The following GLIPR2 variants were observed in gnomAD, a reference collection of about 807,000 sequenced individuals.
The protein encoded by GLIPR2 is Golgi-associated plant pathogenesis-related protein 1.
Under a neutral mutation model 20.4 loss-of-function variants are expected in GLIPR2, and 21 were observed. That is an observed-to-expected ratio of 1.03 (90% CI 0.73 to 1.48). The LOEUF is 1.48. GLIPR2 is among the 40% of genes most tolerant of loss of function. The pLI is 0.00. For synonymous variants in GLIPR2, 91 were observed against 80.5 expected, an observed-to-expected ratio of 1.13 and a Z score of -0.70; for missense variants, 205 against 200.1, an observed-to-expected ratio of 1.02 and a Z score of -0.15.
chr9:36,136,807 C>T lies in GLIPR2; in HGVS notation c.13+16C>T, dbSNP rs1357700270. The T allele has an allele frequency of 1.5e-6, 2 of 1,297,344 alleles. No homozygotes were observed. The highest frequency in any genetic ancestry group is 1.5e-5 in the African/African-American group (1 of 64,640). 80.4% of individuals were successfully genotyped at this position (1,297,344 alleles called of 1,614,324 possible). ...GGCAAGTCAGGTGAGCCCGCGGGCTCGCCCGCTGCGGAATGGTTCGGAACC... is the reference window on the plus strand; with the variant it reads ...GGCAAGTCAGGTGAGCCCGCGGGCTTGCCCGCTGCGGAATGGTTCGGAACC... On this transcript the variant is annotated intron_variant, in intron 1 of 4. Transcript: ENST00000377960. The surrounding 1 kb of genome is among the most constrained non-coding windows in gnomAD (Gnocchi z 4.3).
intron 1 of GLIPR2, chr9:36,141,834 T>G (rs1439483149): frequency 4.4e-6 from 2 of 454,620 alleles, no homozygotes; most frequent in East Asian, 7.0e-5. Flanking sequence ...TTTTTTTTTT[T>G]GTCCTCCTCA....
intron 1 of GLIPR2, among the ~76,000 whole-genome samples, chr9:36,145,744 T>C (rs1328573480): frequency 1.3e-5 from 2 of 151,670 alleles, no homozygotes; most frequent in East Asian, 1.9e-4. Flanking sequence ...GTTGGATGAA[T>C]GGTGGATGGA....
chr9:36,139,814 C>G (rs554181701), intron 1 of GLIPR2, among the ~76,000 whole-genome samples: 85 of 152,298 alleles, frequency 5.6e-4, no homozygotes, highest in African/African-American at 1.8e-3. Context: ...CCAGATCCTG[C>G]TCCCAGCTGT....
At chr9:36,161,678 T>G (rs1035798756) in intron 4 of GLIPR2, among the ~76,000 whole-genome samples, 8 of 151,762 alleles carry the variant, frequency 5.3e-5, no homozygotes, top group African/African-American at 1.9e-4. Context: ...GAGTAGGAAG[T>G]GTTCCTCAGG....
chr9:36,163,153 T>G lies in GLIPR2; in HGVS notation c.*631T>G. 3.6e-6 allele frequency: 1 copy of G among 278,398 alleles called. No homozygotes were observed. The highest frequency in any genetic ancestry group is 7.1e-6 in the Non-Finnish European group (1 of 141,616). 17.2% of individuals were successfully genotyped at this position (278,398 alleles called of 1,614,324 possible). A position where few individuals can be genotyped will look rare whatever the true frequency, so the allele number is the denominator to read the frequency against. ...CCAAACAACAAATGGAGAAAAAAAG[T>G]TTTACTTCCTTGCATTCTTCTACCT... On this transcript the variant is annotated 3_prime_UTR_variant, in exon 5 of 5. Coordinates refer to ENST00000377960, the MANE Select transcript of GLIPR2 (RefSeq NM_022343.4).
intron 4 of GLIPR2, among the ~76,000 whole-genome samples, chr9:36,153,574 A>T (rs1242607740): frequency 6.6e-6 from 1 of 151,976 alleles, no homozygotes; most frequent in Non-Finnish European, 1.5e-5. Flanking sequence ...GGATTCCCTG[A>T]CCTGAGTCCT....
At chr9:36,154,589 A>T (rs143207219) in intron 4 of GLIPR2, among the ~76,000 whole-genome samples, 1 of 152,322 alleles carries the variant, frequency 6.6e-6, no homozygotes, top group Non-Finnish European at 1.5e-5. Context: ...TCACAGCAGG[A>T]AAGAGGATGT....
At chr9:36,149,452 C>T (rs566850631) in intron 3 of GLIPR2, among the ~76,000 whole-genome samples, 1 of 152,348 alleles carries the variant, frequency 6.6e-6, no homozygotes, top group African/African-American at 2.4e-5. Flanking sequence ...GTGTGAACTC[C>T]TGGGGAACCC....
chr9:36,140,759 G>T (rs1825036310), intron 1 of GLIPR2, among the ~76,000 whole-genome samples: 1 of 152,110 alleles, frequency 6.6e-6, no homozygotes, highest in African/African-American at 2.4e-5. Flanking sequence ...AAAGGGAGGG[G>T]CATTCTTACA....
intron 1 of GLIPR2, among the ~76,000 whole-genome samples, chr9:36,137,400 C>T (rs1034984127): frequency 6.6e-6 from 1 of 152,228 alleles, no homozygotes; most frequent in African/African-American, 2.4e-5. Flanking sequence ...CCAGTCCTGC[C>T]TTCGGGCCCC....
At position 36,136,960 on chromosome 9, in the gene GLIPR2, G is replaced by T; in HGVS notation, c.13+169G>T. 1.3e-6 allele frequency: 1 copy of T among 784,050 alleles called. No homozygotes were observed. Among genetic ancestry groups the T allele is most frequent in the South Asian group, 6.4e-5 (1 of 15,686 alleles). The allele number at this position is 784,050 out of a possible 1,614,324, so 48.6% of individuals were successfully genotyped here. On this transcript the variant is annotated intron_variant, in intron 1 of 4. Transcript: ENST00000377960. This position sits in a 1 kb window ranked among gnomAD's most constrained non-coding sequence, Gnocchi z 4.3. ...CGGCGCGGTTTCCGGGGAACCCGGG[G>T]GGAAGGCGAGCCCGAGGGAGGCCCC...
chr9:36,152,979 A>G (rs1240258108), intron 4 of GLIPR2, among the ~76,000 whole-genome samples: 4 of 147,270 alleles, frequency 2.7e-5, no homozygotes, highest in Non-Finnish European at 6.0e-5. Context: ...AAAAAAAAAA[A>G]AAGCCAGGTG....
chr9:36,137,585 C>T (rs1005247387), intron 1 of GLIPR2, among the ~76,000 whole-genome samples: 2 of 152,210 alleles, frequency 1.3e-5, no homozygotes, highest in Non-Finnish European at 2.9e-5. Context: ...TGATTCCCCC[C>T]GGGAGGGAGC....
intron 1 of GLIPR2, among the ~76,000 whole-genome samples, chr9:36,138,864 T>C (rs1824945087): frequency 6.6e-6 from 1 of 152,134 alleles, no homozygotes; most frequent in South Asian, 2.1e-4. Context: ...CTGGAGGAGA[T>C]GGTCAAATCC....
intron 4 of GLIPR2, chr9:36,162,158 G>T: frequency 4.6e-6 from 6 of 1,316,346 alleles, no homozygotes; most frequent in Non-Finnish European, 6.1e-6. Flanking sequence ...CTGGGTTACA[G>T]AGCGAGACTC....
At chr9:36,137,819 G>A (rs1453165091) in intron 1 of GLIPR2, among the ~76,000 whole-genome samples, 1 of 152,232 alleles carries the variant, frequency 6.6e-6, no homozygotes, top group African/African-American at 2.4e-5. Flanking sequence ...AGTAAGGCTA[G>A]GTCCCTTCTA....
In GLIPR2 at chr9:36,150,962, G is replaced by A; in HGVS notation, c.304+13G>A. ...ACCTCGGGGACTGGTGAGTGGCAGG[G>A]TCTCACCAGTGGCCTGGCCCTGGGC... On this transcript the variant is annotated intron_variant, in intron 4 of 4. Coordinates refer to ENST00000377960, the MANE Select transcript of GLIPR2 (RefSeq NM_022343.4). 1 of 1,592,906 alleles carries A rather than the reference G, an allele frequency of 6.3e-7. No individual in the cohort carries two copies. The highest frequency in any genetic ancestry group is 8.6e-7 in the Non-Finnish European group (1 of 1,160,660).
At position 36,162,993 on chromosome 9, in the gene GLIPR2, A is replaced by G; in HGVS notation, c.*471A>G. The G allele has an allele frequency of 2.3e-6, 1 of 441,072 alleles. No individual in the cohort carries two copies. The highest frequency in any genetic ancestry group is 4.5e-6 in the Non-Finnish European group (1 of 222,346). The allele number at this position is 441,072 out of a possible 1,614,324, so 27.3% of individuals were successfully genotyped here. ...AAATGTGACATAAAATACAGCTTTA[A>G]GCACATAAATACAAAGCAGCTTCCA... is the stretch of plus-strand genomic sequence containing the variant. On this transcript the variant is annotated 3_prime_UTR_variant, in exon 5 of 5. Coordinates refer to ENST00000377960, the MANE Select transcript of GLIPR2 (RefSeq NM_022343.4).
intron 4 of GLIPR2, among the ~76,000 whole-genome samples, chr9:36,157,497 C>A (rs1825884993): frequency 6.6e-6 from 1 of 151,538 alleles, no homozygotes; most frequent in Non-Finnish European, 1.5e-5. Context: ...CAGGCACCCA[C>A]CACCATGACC....
Sources: gnomAD v4.1 joint callset for allele counts (sites outside exome capture counted in the v4.1 genomes callset) on GRCh38, gnomAD v4.1.1 for gene constraint, Gnocchi (gnomAD v3.1) non-coding constraint, MANE v1.5 for transcripts, NCBI Gene and HGNC (gene_info 2026-07-23, HGNC 2026-07-21) for gene names.